Variants in EPM2A observed in about 807,000 individuals in gnomAD.
EPM2A encodes the protein EPM2A glucan phosphatase, laforin.
EPM2A carries 21 observed loss-of-function variants against 26.5 expected under a neutral mutation model. The observed-to-expected ratio is 0.79, with a 90% CI of 0.56 to 1.14. The LOEUF is 1.14. EPM2A is among the 50% of genes most tolerant of loss of function. EPM2A has a pLI of 0.00. For missense variants in EPM2A, 458 were observed against 440.8 expected (o/e 1.04, Z -0.35); for synonymous variants, 217 against 177.6 (o/e 1.22, Z -1.76).
intron 1 of EPM2A, among the ~76,000 whole-genome samples, chr6:145,692,065 G>C (rs1300012608): frequency 3.3e-5 from 5 of 151,808 alleles, no homozygotes; most frequent in Non-Finnish European, 7.4e-5. Context: ...TCAAAAAGCA[G>C]GAGTAGTTAT....
At chr6:145,485,680 G>A (rs1779662429) in intron 4 of EPM2A, among the ~76,000 whole-genome samples, 1 of 152,186 alleles carries the variant, frequency 6.6e-6, no homozygotes, top group South Asian at 2.1e-4. Flanking sequence ...CCCTTGCAAT[G>A]AGAGAAATAA....
intron 1 of EPM2A, among the ~76,000 whole-genome samples, chr6:145,698,091 G>A (rs531481784): frequency 6.6e-6 from 1 of 152,174 alleles, no homozygotes; most frequent in Non-Finnish European, 1.5e-5. Context: ...ACTAATAAAT[G>A]TCCATGAAAT....
chr6:145,650,938 A>T (rs1020170247), intron 2 of EPM2A, among the ~76,000 whole-genome samples: 1 of 152,198 alleles, frequency 6.6e-6, no homozygotes, highest in African/African-American at 2.4e-5. Flanking sequence ...TGCTCTCCAC[A>T]AATTTAGCTC....
chr6:145,479,136 G>A (rs949007006), intron 4 of EPM2A, among the ~76,000 whole-genome samples: 1 of 151,152 alleles, frequency 6.6e-6, no homozygotes, highest in African/African-American at 2.4e-5. Flanking sequence ...CAATAGTGGA[G>A]AGAAGTAGAT....
intron 2 of EPM2A, among the ~76,000 whole-genome samples, chr6:145,591,805 T>C (rs1781277072): frequency 6.6e-6 from 1 of 151,990 alleles, no homozygotes; most frequent in Non-Finnish European, 1.5e-5. Flanking sequence ...AATTTTTAGT[T>C]GTTTTAAAAG....
chr6:145,657,639 C>A (rs558407061), intron 2 of EPM2A, among the ~76,000 whole-genome samples: 2 of 152,244 alleles, frequency 1.3e-5, no homozygotes, highest in South Asian at 2.1e-4. Context: ...AATAGATGTG[C>A]CTTTCAATAC....
At chr6:145,527,928 C>G (rs758465933) in intron 2 of EPM2A, among the ~76,000 whole-genome samples, 2 of 151,924 alleles carry the variant, frequency 1.3e-5, no homozygotes, top group Non-Finnish European at 2.9e-5. Context: ...AAATGCTACT[C>G]CAGGGAACAC....
intron 2 of EPM2A, among the ~76,000 whole-genome samples, chr6:145,598,362 T>G (rs924387914): frequency 1.3e-5 from 2 of 152,184 alleles, no homozygotes; most frequent in Admixed American, 1.3e-4. Context: ...GTTGGCCCTA[T>G]GTATGTCTTC....
At chr6:145,540,086 C>T (rs1375875268) in intron 2 of EPM2A, among the ~76,000 whole-genome samples, 2 of 152,194 alleles carry the variant, frequency 1.3e-5, no homozygotes, top group African/African-American at 2.4e-5. Flanking sequence ...TGACCCCCGC[C>T]GTGTCTGCCT....
At chr6:145,452,481 T>G (rs1387063999) in intron 4 of EPM2A, among the ~76,000 whole-genome samples, 1 of 66,204 alleles carries the variant, frequency 1.5e-5, no homozygotes, top group South Asian at 5.8e-4. Context: ...CAGTCTCTAC[T>G]AAAAATACAA....
At chr6:145,635,200 T>C (rs377578727) in intron 3 of EPM2A, 45 bp downstream of exon 3, 18 of 1,611,794 alleles carry the variant, frequency 1.1e-5, no homozygotes, top group African/African-American at 9.3e-5. Flanking sequence ...ACAGCAAGGG[T>C]TTCTCTGAAA....
chr6:145,676,466 C>T lies in EPM2A; in HGVS notation c.476+9656G>A, dbSNP rs143297928. ...GAGATAGAGACACAAAAAAACCCTT[C>T]AAAAAAATCAATGAATCCAGGAGCT... On this transcript the variant is annotated intron_variant, in intron 2 of 3. Transcript: ENST00000367519. 4.1e-3 allele frequency among the ~76,000 whole-genome samples: 622 copies of T among 151,834 alleles called. 17 individuals are homozygous for T. In the East Asian group the frequency reaches 0.07, roughly 17 times the overall value.
rs138071877 is a variant in EPM2A, at chr6:145,607,699, A to T, written c.340+27546T>A. On this transcript the variant is annotated intron_variant, in intron 2 of 3. Coordinates refer to the EPM2A transcript ENST00000450221. ...AGAATGCAGAAGAGGTAAAAATAAC[A>T]CTAGCCTGTGGCTTGAAACAGGAGA... Among the ~76,000 whole-genome samples the T allele has an allele frequency of 1.2e-4, 19 of 152,262 alleles. No homozygotes were observed. The East Asian group carries it at 3.5e-3, about 28-fold the overall frequency.
intron 4 of EPM2A, among the ~76,000 whole-genome samples, chr6:145,403,841 C>T (rs1194338213): frequency 6.6e-6 from 1 of 152,130 alleles, no homozygotes; most frequent in Non-Finnish European, 1.5e-5. Flanking sequence ...AACCTCCAAA[C>T]TATATTCCCT....
chr6:145,640,579 A>G (rs1477394523), intron 2 of EPM2A: 3 of 152,236 alleles, frequency 2.0e-5, no homozygotes. Flanking sequence ...TTAAAAGGAA[A>G]GAAAAAAAAG....
At chr6:145,657,671 C>T (rs1401331999) in intron 2 of EPM2A, among the ~76,000 whole-genome samples, 1 of 152,134 alleles carries the variant, frequency 6.6e-6, no homozygotes, top group Non-Finnish European at 1.5e-5. Flanking sequence ...TTCTAACAAC[C>T]TCTTTGGTCA....
At chr6:145,384,409 T>G (rs1778231059) in intron 4 of EPM2A, among the ~76,000 whole-genome samples, 1 of 121,952 alleles carries the variant, frequency 8.2e-6, no homozygotes, top group Admixed American at 8.9e-5. Flanking sequence ...GATCAACACC[T>G]GTGGGGGCAT....
rs907654162 is a variant in EPM2A at position 145,490,655 on chromosome 6, T to A, written c.555+11867A>T. ...TCATTGCATATTTCACACTTGAAAC[T>A]CTCAGTAGAGTGTGATTTCATGCGT... On this transcript the variant is annotated intron_variant, in intron 4 of 4. Coordinates refer to the EPM2A transcript ENST00000638717. The A allele has an allele frequency of 2.6e-5, 16 of 627,156 alleles. No homozygotes were observed. In the Middle Eastern group the frequency reaches 8.4e-4, roughly 33 times the overall value. The allele number at this position is 627,156 out of a possible 1,614,324, so 38.8% of individuals were successfully genotyped here. A position where few individuals can be genotyped will look rare whatever the true frequency, so the allele number is the denominator to read the frequency against.
intron 4 of EPM2A, among the ~76,000 whole-genome samples, chr6:145,393,172 T>A (rs1208984204): frequency 2.0e-5 from 3 of 152,078 alleles, no homozygotes; most frequent in Non-Finnish European, 4.4e-5. Context: ...CCTCATGAAT[T>A]GGCTTTCGTG....
Sources: allele counts gnomAD v4.1 joint callset (sites outside exome capture counted in the v4.1 genomes callset), GRCh38; gene constraint gnomAD v4.1.1; transcripts MANE v1.5; gene names NCBI Gene and HGNC (gene_info 2026-07-23, HGNC 2026-07-21).